The following ASTN1 variants were observed in gnomAD, a reference collection of about 807,000 sequenced individuals.
ASTN1 encodes astrotactin-1.
Under a neutral mutation model 140.7 loss-of-function variants are expected in ASTN1, and 41 were observed. That is an observed-to-expected ratio of 0.29 (90% CI 0.23 to 0.38). The LOEUF (loss-of-function observed/expected upper bound fraction) is 0.38. ASTN1 is among the 10% of genes least tolerant of loss of function. The pLI, the probability that ASTN1 is intolerant of heterozygous loss-of-function variation, is 1.00. For missense variants in ASTN1, 1,479 were observed against 1,678.8 expected (o/e 0.88, Z 2.08); for synonymous variants, 640 against 652.2 (o/e 0.98, Z 0.29).
intron 8 of ASTN1, among the ~76,000 whole-genome samples, chr1:176,998,538 A>C (rs550314317): frequency 1.3e-4 from 10 of 79,418 alleles, no homozygotes; most frequent in African/African-American, 4.9e-4. Flanking sequence ...CTGGGTGGAG[A>C]GGTGGGGGTG....
chr1:176,979,041 C>T (rs905972512), intron 8 of ASTN1, among the ~76,000 whole-genome samples: 3 of 152,090 alleles, frequency 2.0e-5, no homozygotes, highest in Non-Finnish European at 2.9e-5. Context: ...AAAGGGAGTT[C>T]GTGAATATAT....
chr1:177,096,675 G>A (rs1178121953), intron 1 of ASTN1, among the ~76,000 whole-genome samples: 1 of 152,054 alleles, frequency 6.6e-6, no homozygotes, highest in African/African-American at 2.4e-5. Flanking sequence ...GTTTTGTAAA[G>A]GGCAGTTCCC....
chr1:176,990,002 C>T (rs1199094128), intron 8 of ASTN1, among the ~76,000 whole-genome samples: 5 of 152,030 alleles, frequency 3.3e-5, no homozygotes, highest in Non-Finnish European at 2.9e-5. Context: ...GATTTGGGTT[C>T]CCTCCCCTCC....
intron 20 of ASTN1, among the ~76,000 whole-genome samples, chr1:176,882,226 A>G (rs554664945): frequency 6.6e-6 from 1 of 152,226 alleles, no homozygotes; most frequent in South Asian, 2.1e-4. Flanking sequence ...ACATTTCTAA[A>G]TTACTTCAAT....
chr1:177,142,171 A>G (rs531979021), intron 1 of ASTN1, among the ~76,000 whole-genome samples: 7 of 152,214 alleles, frequency 4.6e-5, no homozygotes. Context: ...TTCTGAACTT[A>G]TTGTTATTTG....
intron 8 of ASTN1, among the ~76,000 whole-genome samples, chr1:177,011,293 A>G (rs1675277755): frequency 1.3e-5 from 2 of 152,116 alleles, no homozygotes; most frequent in South Asian, 4.1e-4. Context: ...TCACCCCTTA[A>G]ATTTCAATCC....
intron 1 of ASTN1, among the ~76,000 whole-genome samples, chr1:177,163,535 C>A (rs1647514035): frequency 6.6e-6 from 1 of 152,034 alleles, no homozygotes; most frequent in Admixed American, 6.6e-5. Context: ...GTTCCACTAC[C>A]TGAAGGTGAC....
chr1:176,952,169 T>C (rs529694975), intron 11 of ASTN1, among the ~76,000 whole-genome samples: 8 of 152,198 alleles, frequency 5.3e-5, no homozygotes, highest in Non-Finnish European at 7.3e-5. Flanking sequence ...TGGTGATTGC[T>C]TTAAGGAATT....
intron 2 of ASTN1, among the ~76,000 whole-genome samples, chr1:177,060,596 C>T (rs1311588530): frequency 6.6e-6 from 1 of 152,198 alleles, no homozygotes; most frequent in Non-Finnish European, 1.5e-5. Context: ...CTGCAACCTT[C>T]ACCTCCTGTG....
At chr1:176,960,949 GC>G (rs1255090254) in intron 9 of ASTN1, among the ~76,000 whole-genome samples, 2 of 152,106 alleles carry the variant, frequency 1.3e-5, no homozygotes, top group Non-Finnish European at 2.9e-5. Context: ...CTGACTCAGA[GC>G]CCCTTGTTGC....
At position 176,936,271 on chromosome 1, in the gene ASTN1, G is replaced by A. The variant is rs957717179; in HGVS notation, c.2477C>T (p.Ser826Phe). Residue 826 changes from serine to phenylalanine, a missense_variant, in exon 15 of 23, where the codon TCT becomes TTT. Ser to Phe is a radical substitution (Grantham distance 155). Around this residue, in one of 3 missense-constraint regions of ASTN1, gnomAD observed 746 missense variants for 800.9 expected, o/e 0.93. Transcript: ENST00000361833. ...YHIKLNQVAI[S>F]QALSNALHSL... is the part of the protein sequence containing the mutation. ...TAGCCTGCAGCAGTGCTCACCCTGA[G>A]AGATGGCCACTTGGTTGAGTTTGAT... is the stretch of plus-strand genomic sequence containing the variant. The A allele has an allele frequency of 6.2e-6, 10 of 1,613,578 alleles. No individual in the cohort carries two copies. The East Asian group carries it at 2.0e-4, about 32-fold the overall frequency.
chr1:177,146,408 GAA>G (rs1397902156), intron 1 of ASTN1, among the ~76,000 whole-genome samples: 6 of 152,188 alleles, frequency 3.9e-5, no homozygotes, highest in African/African-American at 1.4e-4. Flanking sequence ...TGTGGAAACA[GAA>G]GTCATACACT....
intron 16 of ASTN1, among the ~76,000 whole-genome samples, chr1:176,907,071 T>G (rs1670037297): frequency 6.6e-6 from 1 of 152,154 alleles, no homozygotes; most frequent in Non-Finnish European, 1.5e-5. Flanking sequence ...AGAGGGAACA[T>G]TCCAGAGAAT....
At chr1:176,913,927 T>C (rs934458714) in intron 16 of ASTN1, among the ~76,000 whole-genome samples, 1 of 152,214 alleles carries the variant, frequency 6.6e-6, no homozygotes, top group Non-Finnish European at 1.5e-5. Context: ...CATTTTGTTG[T>C]GATTGATTAG....
intron 11 of ASTN1, among the ~76,000 whole-genome samples, chr1:176,953,847 T>A (rs1212729714): frequency 6.6e-6 from 1 of 152,228 alleles, no homozygotes; most frequent in Non-Finnish European, 1.5e-5. Flanking sequence ...GCTGCTCACC[T>A]GTGTACATTC....
rs1179888613 is a variant in ASTN1 at position 176,862,309 on chromosome 1, G to A, written c.*1975C>T. 8 of 985,378 alleles carry A rather than the reference G, an allele frequency of 8.1e-6. No homozygotes were observed. Among genetic ancestry groups the A allele is most frequent in the African/African-American group, 1.7e-5 (1 of 57,230 alleles). The allele number at this position is 985,378 out of a possible 1,614,324, so 61.0% of individuals were successfully genotyped here. ...GGAGAGAGGAGAGTGAAACCACCCT[G>A]TGCTTTATCTCAGCCTCATCACAGG... On this transcript the variant is annotated 3_prime_UTR_variant, in exon 23 of 23. Transcript: ENST00000361833.
At chr1:177,021,871 C>T (rs1423235172) in intron 7 of ASTN1, among the ~76,000 whole-genome samples, 1 of 152,206 alleles carries the variant, frequency 6.6e-6, no homozygotes, top group African/African-American at 2.4e-5. Context: ...GGAGAGCCCC[C>T]ACCTCTGAGA....
chr1:177,061,020 C>T (rs1302212078), intron 2 of ASTN1, 58 bp downstream of exon 2: 5 of 1,416,356 alleles, frequency 3.5e-6, no homozygotes, highest in Non-Finnish European at 4.7e-6. Context: ...TACCAAGACC[C>T]TTAATGTCAA....
intron 8 of ASTN1, among the ~76,000 whole-genome samples, chr1:176,993,748 A>G (rs1476001681): frequency 6.6e-6 from 1 of 152,172 alleles, no homozygotes; most frequent in African/African-American, 2.4e-5. Context: ...TCTACTATGT[A>G]TATCTAAATC....
Sources: allele counts gnomAD v4.1 joint callset (sites outside exome capture counted in the v4.1 genomes callset), GRCh38; gene constraint gnomAD v4.1.1; regional missense constraint gnomAD v4.1.1; transcripts MANE v1.5; gene names NCBI Gene and HGNC (gene_info 2026-07-23, HGNC 2026-07-21).